Variants in MEAK7 observed in about 807,000 individuals in gnomAD.
MEAK7 encodes the protein MTOR-associated protein MEAK7.
A neutral mutation model predicts 40.5 loss-of-function variants in MEAK7; 68 were observed. The observed-to-expected ratio is 1.68, with a 90% confidence interval of 1.38 to 2.06. The LOEUF (loss-of-function observed/expected upper bound fraction) is 2.06, where lower values mean the gene tolerates loss of function less well. Ranked by LOEUF, MEAK7 falls within the 30% of genes most tolerant of loss-of-function variation. MEAK7 has a pLI of 0.00. For missense variants in MEAK7, 918 were observed against 580.5 expected, an observed-to-expected ratio of 1.58 and a Z score of -5.98; for synonymous variants, 338 against 231.9, an observed-to-expected ratio of 1.46 and a Z score of -4.16.
At position 84,479,878 on chromosome 16, in the gene MEAK7, C is replaced by G; in HGVS notation, c.*35G>C. On this transcript the variant is annotated 3_prime_UTR_variant, in exon 8 of 8. Coordinates refer to ENST00000343629, the MANE Select transcript of MEAK7 (RefSeq NM_020947.4). ...GGCGTTGCCCTCTACCCAGAGGAAT[C>G]CAGGTCCTGGCTCCAGGAAGGCTCA... 1 of 1,542,642 alleles carries G rather than the reference C, an allele frequency of 6.5e-7. No homozygotes were observed.
chr16:84,497,746 A>C, intron 2 of MEAK7, 188 bp downstream of exon 2: 1 of 1,320,800 alleles, frequency 7.6e-7, no homozygotes, highest in Non-Finnish European at 1.0e-6. Context: ...AGAGCAGAGG[A>C]GCTACAACAG....
intron 5 of MEAK7, among the ~76,000 whole-genome samples, chr16:84,484,982 TG>T (rs1202348740): frequency 1.3e-5 from 2 of 152,244 alleles, no homozygotes; most frequent in Non-Finnish European, 2.9e-5. Context: ...TTAAAGGCTC[TG>T]GAGGGAGCAG....
At position 84,479,324 on chromosome 16, in the gene MEAK7, G is replaced by A. The variant is rs900644385; in HGVS notation, c.*589C>T. ...CCACCTTCTAACAGGGATGGCCTGA[G>A]TGAGGCCATATGAACCCCAGCGGGA... On this transcript the variant is annotated 3_prime_UTR_variant, in exon 8 of 8. Coordinates refer to ENST00000343629, the MANE Select transcript of MEAK7 (RefSeq NM_020947.4). 1.1e-4 allele frequency: 16 copies of A among 152,244 alleles called. No homozygotes were observed. Among genetic ancestry groups the A allele is most frequent in the African/African-American group, 3.9e-4 (16 of 41,440 alleles). The allele number at this position is 152,244 out of a possible 1,614,324, so 9.4% of individuals were successfully genotyped here. A position where few individuals can be genotyped will look rare whatever the true frequency, so the allele number is the denominator to read the frequency against.
intron 4 of MEAK7, 85 bp from the exon 5 acceptor site, chr16:84,487,144 G>C: frequency 7.4e-7 from 1 of 1,342,646 alleles, no homozygotes; most frequent in African/African-American, 1.5e-5. Flanking sequence ...CAGTGTGGGA[G>C]CCACGAGTCA....
chr16:84,487,053 T>C lies in MEAK7; in HGVS notation c.536A>G (p.Lys179Arg), dbSNP rs1323118089. ...CAGCCACTGGGGCCCCAGAAGTCTCTTGCCATCTAGGGGAAGGGGATGGTC... is the reference window on the plus strand; with the variant it reads ...CAGCCACTGGGGCCCCAGAAGTCTCCTGCCATCTAGGGGAAGGGGATGGTC... ...LLSDMKLQDG[K>R]RLLGPQWLDY... is the part of the protein sequence containing the mutation. Residue 179 changes from lysine to arginine, a missense_variant, in exon 5 of 8, where the codon AAG becomes AGG. Physicochemically the swap from Lys to Arg is conservative, Grantham distance 26. Coordinates refer to ENST00000343629, the MANE Select transcript of MEAK7 (RefSeq NM_020947.4). 2 of 1,610,406 alleles carry C rather than the reference T, an allele frequency of 1.2e-6. No individual in the cohort carries two copies. Among genetic ancestry groups the C allele is most frequent in the South Asian group, 2.2e-5 (2 of 90,330 alleles).
chr16:84,480,814 G>C lies in MEAK7; in HGVS notation c.1078-106C>G, dbSNP rs577882009. 37 of 1,270,546 alleles carry C rather than the reference G, an allele frequency of 2.9e-5. No individual in the cohort carries two copies. In the East Asian group the frequency reaches 7.8e-4, roughly 27 times the overall value. The allele number at this position is 1,270,546 out of a possible 1,614,324, so 78.7% of individuals were successfully genotyped here. A position where few individuals can be genotyped will look rare whatever the true frequency, so the allele number is the denominator to read the frequency against. On this transcript the variant is annotated intron_variant, in intron 6 of 7. Coordinates refer to ENST00000343629, the MANE Select transcript of MEAK7 (RefSeq NM_020947.4). ...CGCCTTAAGTACCAGCCTGAGACAG[G>C]GGCGGGTGAGTGGTGAATGCCATCA...
intron 3 of MEAK7, among the ~76,000 whole-genome samples, chr16:84,493,359 C>T (rs416351): frequency 0.78 from 118,706 of 152,212 alleles, 49,803 homozygotes; most frequent in Non-Finnish European, 0.94. Flanking sequence ...CCGATAACTT[C>T]AGAGATTGTG....
At chr16:84,491,334 T>C (rs1267091499) in intron 3 of MEAK7, among the ~76,000 whole-genome samples, 2 of 150,890 alleles carry the variant, frequency 1.3e-5, no homozygotes, top group Non-Finnish European at 3.0e-5. Context: ...GGTTAGGAGG[T>C]CGCGACCAGC....
chr16:84,482,511 C>T lies in MEAK7; in HGVS notation c.1077+81G>A, dbSNP rs35118177. On this transcript the variant is annotated intron_variant, in intron 6 of 7. Transcript: ENST00000343629. Reference sequence around the variant, plus strand: ...TGAATGCCACGCGCCCTGCCCTGATCTGTGGAGCTGAGCCTCGGGGTTGAC... The same window carrying T: ...TGAATGCCACGCGCCCTGCCCTGATTTGTGGAGCTGAGCCTCGGGGTTGAC... 2.5e-3 allele frequency: 4,072 copies of T among 1,607,674 alleles called. 17 individuals carry two copies. The highest frequency in any genetic ancestry group is 2.6e-3 in the Non-Finnish European group (3,078 of 1,176,288).
intron 1 of MEAK7, 143 bp downstream of exon 1, chr16:84,504,458 C>T (rs1427197268): frequency 2.5e-6 from 1 of 405,642 alleles, no homozygotes; most frequent in Non-Finnish European, 3.3e-6. Flanking sequence ...CTCCCTCCCC[C>T]GACCCGAGGG....
At chr16:84,502,523 G>C (rs999456374) in intron 1 of MEAK7, among the ~76,000 whole-genome samples, 1 of 152,100 alleles carries the variant, frequency 6.6e-6, no homozygotes, top group Admixed American at 6.6e-5. Flanking sequence ...GTTATGCACA[G>C]CTTTGCAGAG....
At position 84,490,166 on chromosome 16, in the gene MEAK7, A is replaced by G. The variant is rs964950378; in HGVS notation, c.385-744T>C. ...TTGTGGCTTCTGTTTTTATTGTTTC[A>G]GTCTTTTTCCCACTTGGTTTGATCA... On this transcript the variant is annotated intron_variant, in intron 3 of 7. Transcript: ENST00000343629. Among the ~76,000 whole-genome samples the G allele has an allele frequency of 1.8e-4, 28 of 152,044 alleles. 4 individuals carry two copies. The highest frequency in any genetic ancestry group is 4.2e-4 in the South Asian group (2 of 4,808).
At position 84,495,929 on chromosome 16, in the gene MEAK7, A is replaced by C. The variant is rs754576340; in HGVS notation, c.154-16T>G. The C allele has an allele frequency of 5.0e-6, 8 of 1,613,264 alleles. No homozygotes were observed. Among genetic ancestry groups the C allele is most frequent in the South Asian group, 1.1e-5 (1 of 91,070 alleles). ...CGACGTGGTTCTGCCGGGGACAAGCAGAAAAATATGGTTAGACAGTGCACA... is the reference window on the plus strand; with the variant it reads ...CGACGTGGTTCTGCCGGGGACAAGCCGAAAAATATGGTTAGACAGTGCACA... On this transcript the variant is annotated splice_polypyrimidine_tract_variant and intron_variant, in intron 2 of 7. Transcript: ENST00000343629.
Position 84,487,070 on chromosome 16 carries a change from G to T in MEAK7, c.530-11C>A, listed in dbSNP as rs370854522. ...GAAGTCTCTTGCCATCTAGGGGAAG[G>T]GGATGGTCAGCATTAGTGGGGCTGT... On this transcript the variant is annotated splice_polypyrimidine_tract_variant and intron_variant, in intron 4 of 7. Coordinates refer to ENST00000343629, the MANE Select transcript of MEAK7 (RefSeq NM_020947.4). 16 of 1,603,644 alleles carry T rather than the reference G, an allele frequency of 1.0e-5. No individual in the cohort carries two copies. The highest frequency in any genetic ancestry group is 1.3e-5 in the Non-Finnish European group (15 of 1,175,132).
intron 1 of MEAK7, among the ~76,000 whole-genome samples, chr16:84,501,226 G>A (rs1026644232): frequency 3.3e-5 from 5 of 151,958 alleles, no homozygotes; most frequent in African/African-American, 1.2e-4. Flanking sequence ...TTCCAGCTGA[G>A]TCTTCAGAGA....
At chr16:84,492,636 C>A (rs1189630263) in intron 3 of MEAK7, among the ~76,000 whole-genome samples, 1 of 151,790 alleles carries the variant, frequency 6.6e-6, no homozygotes, top group Non-Finnish European at 1.5e-5. Flanking sequence ...GGCTAGAGTG[C>A]AGTGGCACAA....
intron 2 of MEAK7, among the ~76,000 whole-genome samples, chr16:84,496,612 AG>A (rs1486310424): frequency 2.0e-5 from 3 of 152,158 alleles, no homozygotes; most frequent in Non-Finnish European, 4.4e-5. Flanking sequence ...GAAAATAAGT[AG>A]GGGGCCCAGA....
At chr16:84,499,591 G>A (rs1027928026) in intron 1 of MEAK7, among the ~76,000 whole-genome samples, 8 of 152,118 alleles carry the variant, frequency 5.3e-5, no homozygotes, top group African/African-American at 1.7e-4. Flanking sequence ...ACAATACGGT[G>A]CAACCCTCAC....
chr16:84,488,416 G>A (rs1343763999), intron 4 of MEAK7: 1 of 135,282 alleles, frequency 7.4e-6, no homozygotes, highest in African/African-American at 2.5e-5. Flanking sequence ...AAAGTGATTT[G>A]CCACAAGGTT....
Sources: gnomAD v4.1 joint callset for allele counts (sites outside exome capture counted in the v4.1 genomes callset) on GRCh38, gnomAD v4.1.1 for gene constraint, MANE v1.5 for transcripts, NCBI Gene and HGNC (gene_info 2026-07-23, HGNC 2026-07-21) for gene names.